The following CSMD2 variants were observed in gnomAD, a reference collection of about 807,000 sequenced individuals.
CSMD2 encodes the protein CUB and Sushi multiple domains 2, also known as CUB and sushi domain-containing protein 2.
CSMD2 carries 130 observed loss-of-function variants against 398.5 expected under a neutral mutation model. That is an observed-to-expected ratio of 0.33 (90% CI 0.28 to 0.38). CSMD2 has a LOEUF of 0.38. Ranked by LOEUF, CSMD2 falls within the 10% of genes least tolerant of loss-of-function variation. CSMD2 has a pLI of 1.00. For missense variants in CSMD2, 3,829 were observed against 4,764.9 expected (o/e 0.80, Z 5.78); for synonymous variants, 1,828 against 1,908.5 (o/e 0.96, Z 1.10).
intron 5 of CSMD2, among the ~76,000 whole-genome samples, chr1:33,891,512 C>G (rs1166211297): frequency 6.6e-6 from 1 of 151,542 alleles, no homozygotes; most frequent in Non-Finnish European, 1.5e-5. Flanking sequence ...GGATCTAGAA[C>G]TAGAAATACC....
At chr1:33,924,900 A>AT (rs891766648) in intron 4 of CSMD2, among the ~76,000 whole-genome samples, 6 of 151,850 alleles carry the variant, frequency 4.0e-5, no homozygotes, top group African/African-American at 1.5e-4. Flanking sequence ...TATTATTATT[A>AT]TTTTTTTGCT....
chr1:33,819,354 G>T (rs1453819170), intron 9 of CSMD2, among the ~76,000 whole-genome samples: 1 of 152,190 alleles, frequency 6.6e-6, no homozygotes, highest in South Asian at 2.1e-4. Flanking sequence ...TTGTAACAGA[G>T]GGATTCAAGG....
Position 33,743,518 on chromosome 1 carries a change from G to C in CSMD2, c.1935C>G (p.Val645=). The C allele has an allele frequency of 6.2e-7, 1 of 1,614,074 alleles. No homozygotes were observed. ...PEDYGNHLHC[V]WLILARPESR... is the part of the protein sequence containing the mutation. The stretch of plus-strand genomic sequence containing the variant: ...TCTCAGGCCTGGCCAGGATGAGCCA[G>C]ACACAGTGGAGGTGGTTGCCATAGT... The change falls in exon 14 of 71, where the codon GTC becomes GTG. Residue 645 remains valine, a synonymous_variant. Transcript: ENST00000373381.
intron 5 of CSMD2, among the ~76,000 whole-genome samples, chr1:33,911,969 C>T (rs574839528): frequency 5.9e-5 from 9 of 152,292 alleles, no homozygotes; most frequent in Admixed American, 3.9e-4. Context: ...TAGAAGAATG[C>T]GCTTCCCACC....
intron 2 of CSMD2, among the ~76,000 whole-genome samples, chr1:34,049,763 T>C (rs1249929595): frequency 6.6e-6 from 1 of 152,202 alleles, no homozygotes; most frequent in African/African-American, 2.4e-5. Flanking sequence ...CTCTGCTTTA[T>C]TTTTCTCATA....
intron 36 of CSMD2, among the ~76,000 whole-genome samples, chr1:33,622,544 C>T (rs867820394): frequency 6.6e-6 from 1 of 152,126 alleles, no homozygotes; most frequent in South Asian, 2.1e-4. Flanking sequence ...AGTTGGGTCT[C>T]CTCATAGCCA....
intron 32 of CSMD2, among the ~76,000 whole-genome samples, chr1:33,631,269 T>C (rs1463292433): frequency 6.6e-6 from 1 of 152,120 alleles, no homozygotes; most frequent in Non-Finnish European, 1.5e-5. Flanking sequence ...ATTGTGGTAC[T>C]AAATGTAAAT....
At chr1:33,994,250 G>T (rs919404768) in intron 3 of CSMD2, among the ~76,000 whole-genome samples, 1 of 152,146 alleles carries the variant, frequency 6.6e-6, no homozygotes, top group Non-Finnish European at 1.5e-5. Flanking sequence ...ATCCAGCGGG[G>T]TATGCTTTGG....
chr1:33,920,218 C>A (rs1397577641), intron 4 of CSMD2, among the ~76,000 whole-genome samples: 4 of 152,010 alleles, frequency 2.6e-5, no homozygotes, highest in African/African-American at 9.7e-5. Context: ...AGAGGCCTGG[C>A]ACCGTTGAAG....
At chr1:33,815,336 G>A (rs991496003) in intron 9 of CSMD2, 1 of 152,024 alleles carries the variant, frequency 6.6e-6, no homozygotes, top group Admixed American at 6.6e-5. Context: ...TTTCTCCTAC[G>A]TTTCTGACCG....
At chr1:33,890,859 C>T (rs1641962690) in intron 5 of CSMD2, among the ~76,000 whole-genome samples, 1 of 152,130 alleles carries the variant, frequency 6.6e-6, no homozygotes, top group East Asian at 1.9e-4. Context: ...AAAGCTGAAA[C>T]TGGATCCCTT....
intron 5 of CSMD2, chr1:33,863,306 C>T (rs1218407824): frequency 9.2e-5 from 14 of 152,136 alleles, no homozygotes; most frequent in East Asian, 3.8e-4. Context: ...AGCCAGAAGC[C>T]GGCCAGTTTG....
intron 49 of CSMD2, among the ~76,000 whole-genome samples, chr1:33,574,841 G>A (rs1291607308): frequency 6.6e-6 from 1 of 152,224 alleles, no homozygotes; most frequent in Non-Finnish European, 1.5e-5. Context: ...AACTAGGTTA[G>A]CTAAGCTGTC....
intron 22 of CSMD2, 146 bp from the exon 23 acceptor site, chr1:33,700,819 T>C (rs2149121470): frequency 1.3e-6 from 1 of 752,828 alleles, no homozygotes; most frequent in African/African-American, 1.7e-5. Context: ...GCAAGGAAGA[T>C]GGCAGAGGGA....
rs1408806465 is a variant in CSMD2 at position 33,516,371 on chromosome 1, A to C, written c.*253T>G. On this transcript the variant is annotated 3_prime_UTR_variant, in exon 71 of 71. Transcript: ENST00000373381. ...GTTGCTTTGCTATTTTAAATCCATA[A>C]ACTTTCTTCCTCTGTCTGCAGCCCC... 2 of 152,014 alleles carry C rather than the reference A, an allele frequency of 1.3e-5. No individual in the cohort carries two copies. Among genetic ancestry groups the C allele is most frequent in the Non-Finnish European group, 2.9e-5 (2 of 68,090 alleles). 9.4% of individuals were successfully genotyped at this position (152,014 alleles called of 1,614,324 possible).
intron 1 of CSMD2, among the ~76,000 whole-genome samples, chr1:34,115,041 T>C (rs941722926): frequency 3.9e-5 from 6 of 152,004 alleles, no homozygotes; most frequent in Non-Finnish European, 8.8e-5. Flanking sequence ...TTGAAATTAT[T>C]AAGTCAGAGG....
In CSMD2 at chr1:33,691,026, T is replaced by C. The variant is rs1645220428; in HGVS notation, c.4052+1904A>G. Among the ~76,000 whole-genome samples, 6 of 152,234 alleles carry C rather than the reference T, an allele frequency of 3.9e-5. No homozygotes were observed. The South Asian group carries it at 1.2e-3, about 32-fold the overall frequency. ...TCCCGGGTGAGCTGACATTTGCACTTGACTTTGAGGGATGGATAATTTTAG... is the reference window on the plus strand; with the variant it reads ...TCCCGGGTGAGCTGACATTTGCACTCGACTTTGAGGGATGGATAATTTTAG... On this transcript the variant is annotated intron_variant, in intron 25 of 70. Coordinates refer to ENST00000373381, the MANE Select transcript of CSMD2 (RefSeq NM_001281956.2).
chr1:33,565,980 G>A (rs140629636), intron 53 of CSMD2, among the ~76,000 whole-genome samples: 124 of 151,938 alleles, frequency 8.2e-4, no homozygotes, highest in Non-Finnish European at 1.5e-3. Context: ...ACTCAAGAAA[G>A]TCAGGCAAAA....
At chr1:34,080,452 CA>C (rs1265345916) in intron 2 of CSMD2, among the ~76,000 whole-genome samples, 1 of 151,902 alleles carries the variant, frequency 6.6e-6, no homozygotes, top group African/African-American at 2.4e-5. Context: ...AGAATACTGA[CA>C]AAAAATGATC....
Sources: allele counts gnomAD v4.1 joint callset (sites outside exome capture counted in the v4.1 genomes callset), GRCh38; gene constraint gnomAD v4.1.1; transcripts MANE v1.5; gene names NCBI Gene and HGNC (gene_info 2026-07-23, HGNC 2026-07-21).